Variants in CACNB2 observed in about 807,000 individuals in gnomAD.
CACNB2 encodes calcium voltage-gated channel auxiliary subunit beta 2, also known as voltage-dependent L-type calcium channel subunit beta-2.
A neutral mutation model predicts 73.3 loss-of-function variants in CACNB2; 42 were observed. The ratio of observed to expected loss-of-function variants is 0.57; its 90% confidence interval spans 0.45 to 0.74. The LOEUF is 0.74. Among genes scored for constraint, CACNB2 ranks in the 30% least tolerant of loss-of-function variants. The pLI is 0.00. For missense variants in CACNB2, 940 were observed against 853.0 expected, an observed-to-expected ratio of 1.10 and a Z score of -1.27; for synonymous variants, 348 against 310.3, an observed-to-expected ratio of 1.12 and a Z score of -1.28.
At chr10:18,331,964 C>T (rs1403753987) in intron 2 of CACNB2, among the ~76,000 whole-genome samples, 1 of 152,040 alleles carries the variant, frequency 6.6e-6, no homozygotes, top group Non-Finnish European at 1.5e-5. Flanking sequence ...AGAGAAAGTG[C>T]GGAGGCCCCA....
chr10:18,519,415 C>G (rs2051614900), intron 9 of CACNB2, among the ~76,000 whole-genome samples: 1 of 152,198 alleles, frequency 6.6e-6, no homozygotes, highest in South Asian at 2.1e-4. Context: ...TAGAGGCAAA[C>G]AGAGAACATC....
At chr10:18,380,958 A>G (rs558138731) in intron 2 of CACNB2, among the ~76,000 whole-genome samples, 9 of 152,050 alleles carry the variant, frequency 5.9e-5, no homozygotes, top group African/African-American at 2.2e-4. Context: ...TATTTCCCCT[A>G]TGTGCGGAAA....
intron 2 of CACNB2, chr10:18,206,012 G>A (rs1470680841): frequency 2.0e-5 from 3 of 152,836 alleles, no homozygotes; most frequent in African/African-American, 7.2e-5. Context: ...TTTTGAGATG[G>A]AGTCTTGCTC....
chr10:18,386,478 C>T (rs1589212306), intron 2 of CACNB2, among the ~76,000 whole-genome samples: 1 of 147,642 alleles, frequency 6.8e-6, no homozygotes, highest in Admixed American at 6.9e-5. Flanking sequence ...TCTCGGCTCA[C>T]TGCAAGCTCC....
chr10:18,317,177 C>G (rs2040222253), intron 2 of CACNB2, among the ~76,000 whole-genome samples: 1 of 152,004 alleles, frequency 6.6e-6, no homozygotes, highest in Non-Finnish European at 1.5e-5. Flanking sequence ...AAACCTTCTC[C>G]TTGCTTAATC....
chr10:18,403,263 T>C (rs1437987404), intron 3 of CACNB2, among the ~76,000 whole-genome samples: 1 of 152,178 alleles, frequency 6.6e-6, no homozygotes, highest in East Asian at 1.9e-4. Flanking sequence ...ATGAATCTGC[T>C]CTACCAATGT....
At chr10:18,420,188 A>T (rs2045242942) in intron 3 of CACNB2, among the ~76,000 whole-genome samples, 1 of 152,170 alleles carries the variant, frequency 6.6e-6, no homozygotes, top group Non-Finnish European at 1.5e-5. Context: ...TCAGCCTAAT[A>T]CACTGATGAA....
At chr10:18,378,532 T>C (rs535391624) in intron 2 of CACNB2, among the ~76,000 whole-genome samples, 1 of 152,280 alleles carries the variant, frequency 6.6e-6, no homozygotes, top group South Asian at 2.1e-4. Context: ...GGGGATCACT[T>C]GAGCCCAGAA....
chr10:18,141,099 C>T (rs1405641534), intron 1 of CACNB2: 2 of 1,549,154 alleles, frequency 1.3e-6, no homozygotes, highest in Non-Finnish European at 8.7e-7. Context: ...GCGGGGGAGA[C>T]CTGCCAGTCC....
chr10:18,185,412 G>A (rs950958011), intron 2 of CACNB2, among the ~76,000 whole-genome samples: 1 of 152,160 alleles, frequency 6.6e-6, no homozygotes. Context: ...TATCTGGTGA[G>A]CTCAGATGCT....
chr10:18,141,347 C>A (rs950572473), intron 1 of CACNB2: 5 of 829,792 alleles, frequency 6.0e-6, no homozygotes, highest in South Asian at 1.5e-5. Flanking sequence ...AGGAGGGGAG[C>A]GAATATGGGG....
intron 2 of CACNB2, among the ~76,000 whole-genome samples, chr10:18,398,709 ACACAC>A (rs541659821): frequency 1.4e-5 from 2 of 140,794 alleles, no homozygotes; most frequent in African/African-American, 2.7e-5. Flanking sequence ...ACACACACAC[ACACAC>A]AATTGTTTTT....
intron 2 of CACNB2, among the ~76,000 whole-genome samples, chr10:18,186,146 A>T (rs7067916): frequency 2.0e-5 from 3 of 152,116 alleles, no homozygotes; most frequent in African/African-American, 7.2e-5. Flanking sequence ...GAGGCCAGGC[A>T]TGGTAGCGCA....
Position 18,540,448 on chromosome 10 carries a change from A to G in CACNB2, c.*724A>G, listed in dbSNP as rs536379175. The G allele has an allele frequency of 1.3e-5, 2 of 152,670 alleles. No homozygotes were observed. Among genetic ancestry groups the G allele is most frequent in the East Asian group, 3.9e-4 (2 of 5,186 alleles). 9.5% of individuals were successfully genotyped at this position (152,670 alleles called of 1,614,324 possible). ...GCCCACATTCAGGAAATTTGTAATA[A>G]CATTGTCTAGACACCTATCCTCATT... On this transcript the variant is annotated 3_prime_UTR_variant, in exon 14 of 14. Coordinates refer to ENST00000324631, the MANE Select transcript of CACNB2 (RefSeq NM_201596.3).
chr10:18,364,743 A>G (rs913284999), intron 2 of CACNB2, among the ~76,000 whole-genome samples: 6 of 152,110 alleles, frequency 3.9e-5, no homozygotes, highest in Non-Finnish European at 5.9e-5. Context: ...GTATCAATTT[A>G]CTTTCCTCTC....
chr10:18,247,982 C>G (rs1259887817), intron 2 of CACNB2, among the ~76,000 whole-genome samples: 1 of 152,136 alleles, frequency 6.6e-6, no homozygotes, highest in African/African-American at 2.4e-5. Context: ...TCTCTGGGAC[C>G]TCTTTGATAA....
At chr10:18,332,662 G>A (rs1162724555) in intron 2 of CACNB2, among the ~76,000 whole-genome samples, 1 of 152,068 alleles carries the variant, frequency 6.6e-6, no homozygotes, top group African/African-American at 2.4e-5. Context: ...AGGGTGAGAG[G>A]GGGTATCTAA....
chr10:18,515,033 C>T lies in CACNB2; in HGVS notation c.804+664C>T, dbSNP rs377255285. The stretch of plus-strand genomic sequence containing the variant: ...GTGGAAAACTGCAGGCTTGTTTTGG[C>T]GGTTTACTGTGAGTTTTTCCTATTG... On this transcript the variant is annotated intron_variant, in intron 7 of 13. Transcript: ENST00000324631. 6 of 1,612,378 alleles carry T rather than the reference C, an allele frequency of 3.7e-6. No individual in the cohort carries two copies. Among genetic ancestry groups the T allele is most frequent in the Non-Finnish European group, 4.2e-6 (5 of 1,178,642 alleles).
At chr10:18,250,810 C>T (rs550508839) in intron 2 of CACNB2, among the ~76,000 whole-genome samples, 4 of 152,278 alleles carry the variant, frequency 2.6e-5, no homozygotes, top group African/African-American at 9.6e-5. Flanking sequence ...CAGGTTTATG[C>T]TCCAACTCCC....
Sources: allele counts gnomAD v4.1 joint callset (sites outside exome capture counted in the v4.1 genomes callset), GRCh38; gene constraint gnomAD v4.1.1; transcripts MANE v1.5; gene names NCBI Gene and HGNC (gene_info 2026-07-23, HGNC 2026-07-21).